XDH: variants seen among roughly 807,000 people sequenced by gnomAD.
The protein encoded by XDH is xanthine dehydrogenase.
XDH carries 138 observed loss-of-function variants against 156.1 expected under a neutral mutation model. The observed-to-expected ratio is 0.88, with a 90% confidence interval of 0.77 to 1.02. The LOEUF (loss-of-function observed/expected upper bound fraction) is 1.02, where lower values mean the gene tolerates loss of function less well. Ranked by LOEUF, XDH falls within the 50% of genes least tolerant of loss-of-function variation. The pLI, the probability that XDH is intolerant of heterozygous loss-of-function variation, is 0.00. For missense variants in XDH, 1,849 were observed against 1,684.9 expected (o/e 1.10, Z -1.71); for synonymous variants, 669 against 625.7 (o/e 1.07, Z -1.03).
rs773854118 is a variant in XDH at position 31,365,474 on chromosome 2, A to G, written c.2527T>C (p.Phe843Leu). 3.1e-6 allele frequency: 5 copies of G among 1,614,174 alleles called. No homozygotes were observed. The South Asian group carries it at 4.4e-5, about 14-fold the overall frequency. The change falls in exon 23 of 36, where the codon TTC becomes CTC. Residue 843 changes from phenylalanine (F) to leucine (L), a missense_variant. Physicochemically the swap from Phe to Leu is conservative, Grantham distance 22. Coordinates refer to ENST00000379416, the MANE Select transcript of XDH (RefSeq NM_000379.4). ...TCTAGAACCTTGTATCTGGCCAGGA[A>G]GGGATGTCTGCCACCAGTTATCAGC... ...DMLITGGRHP[F>L]LARYKVGFMK...
At chr2:31,366,718 G>T in intron 21 of XDH, 152 bp downstream of exon 21, 1 of 1,226,900 alleles carries the variant, frequency 8.2e-7, no homozygotes, top group Non-Finnish European at 1.2e-6. Context: ...CCAGCTTGTT[G>T]GTGAAAGAGT....
rs975603455 is a variant in XDH, at chr2:31,397,711, G to C, written c.452C>G (p.Thr151Arg). Residue 151 changes from threonine (T) to arginine (R), a missense_variant, in exon 6 of 36, where the codon ACA becomes AGA. Thr to Arg is a moderately conservative substitution (Grantham distance 71). Coordinates refer to ENST00000379416, the MANE Select transcript of XDH (RefSeq NM_000379.4). ...NAFQGNLCRC[T>R]GYRPILQGFR... Reference sequence around the variant, plus strand: ...GCCCTGGAGGATGGGTCTGTAGCCTGTGCAGCGGCACAGATTTCCTGTGGG... The same window carrying C: ...GCCCTGGAGGATGGGTCTGTAGCCTCTGCAGCGGCACAGATTTCCTGTGGG... The C allele has an allele frequency of 2.5e-6, 4 of 1,614,206 alleles. No individual in the cohort carries two copies. Among genetic ancestry groups the C allele is most frequent in the Non-Finnish European group, 1.7e-6 (2 of 1,180,036 alleles).
At chr2:31,394,310 T>G (rs2148000362) in intron 6 of XDH, among the ~76,000 whole-genome samples, 1 of 152,212 alleles carries the variant, frequency 6.6e-6, no homozygotes, top group South Asian at 2.1e-4. Flanking sequence ...TTAGGTGCTT[T>G]GGTTTTTTCT....
chr2:31,348,178 C>T lies in XDH; in HGVS notation c.3147+90G>A, dbSNP rs544314925. The stretch of plus-strand genomic sequence containing the variant: ...AACAGGGCCAGGGCCAGACCCCGGG[C>T]CTGCTTCTGCTCTGATAGGTCCCAC... On this transcript the variant is annotated intron_variant, in intron 28 of 35. Transcript: ENST00000379416. The T allele has an allele frequency of 2.9e-4, 389 of 1,340,654 alleles. 2 individuals carry two copies. In the African/African-American group the frequency reaches 5.1e-3, roughly 17 times the overall value. The allele number at this position is 1,340,654 out of a possible 1,614,324, so 83.0% of individuals were successfully genotyped here.
At chr2:31,386,898 A>G (rs1686614180) in intron 8 of XDH, among the ~76,000 whole-genome samples, 1 of 141,220 alleles carries the variant, frequency 7.1e-6, no homozygotes, top group East Asian at 2.3e-4. Flanking sequence ...TAATATCTCC[A>G]GGGGGCACCA....
rs1684925787 is a variant in XDH at position 31,334,531 on chromosome 2, C to T, written c.*1427G>A. 1 of 152,098 alleles carries T rather than the reference C, an allele frequency of 6.6e-6. No individual in the cohort carries two copies. The highest frequency in any genetic ancestry group is 1.5e-5 in the Non-Finnish European group (1 of 68,024). The allele number at this position is 152,098 out of a possible 1,614,324, so 9.4% of individuals were successfully genotyped here. On this transcript the variant is annotated 3_prime_UTR_variant, in exon 36 of 36. Transcript: ENST00000379416. ...GCAATAAAAGGGATGTTTGTTCTTC[C>T]CTTGTTCTCTTTACCAACCGCAGAA... is the stretch of plus-strand genomic sequence containing the variant.
At chr2:31,366,136 AC>A in intron 21 of XDH, 27 bp from the exon 22 acceptor site, 1 of 1,614,212 alleles carries the variant, frequency 6.2e-7, no homozygotes, top group Admixed American at 1.7e-5. Flanking sequence ...GAACATTCGC[AC>A]TGAATGCATT....
intron 1 of XDH, among the ~76,000 whole-genome samples, chr2:31,413,835 G>A (rs746269846): frequency 9.9e-5 from 15 of 152,248 alleles, no homozygotes; most frequent in Non-Finnish European, 1.5e-4. Flanking sequence ...TGTTGTAGGA[G>A]GGCAAATGGA....
At chr2:31,348,192 G>A (rs1405642829) in intron 28 of XDH, 76 bp downstream of exon 28, 4 of 1,470,988 alleles carry the variant, frequency 2.7e-6, no homozygotes, top group Admixed American at 1.8e-5. Context: ...CTTCTGCTCT[G>A]ATAGGTCCCA....
rs1572550906 is a variant in XDH, at chr2:31,383,125, AG to A, written c.913del (p.Leu305Ter). The A allele has an allele frequency of 6.2e-7, 1 of 1,614,188 alleles. No homozygotes were observed. On this transcript the variant is annotated frameshift_variant, in exon 11 of 36. Transcript: ENST00000379416. LOFTEE classifies it high-confidence loss of function. Reference protein sequence around the residue: ...DGISFGAACPLSIVEKTLVDA... With the variant: ...DGISFGAACPXSIVEKTLVDA... Reference sequence around the variant, plus strand: ...CACCAGGGTTTTTTCCACAATGCTCAGGGGGCAAGCAGCTCCAAAGGAGATA... The same window carrying A: ...CACCAGGGTTTTTTCCACAATGCTCAGGGGCAAGCAGCTCCAAAGGAGATA...
intron 23 of XDH, 124 bp downstream of exon 23, chr2:31,365,333 T>C (rs1348128201): frequency 2.0e-6 from 2 of 988,518 alleles, no homozygotes; most frequent in East Asian, 2.5e-5. Context: ...TCTTGCTATA[T>C]CTTATTTGAA....
intron 24 of XDH, among the ~76,000 whole-genome samples, chr2:31,355,663 A>T (rs531558107): frequency 6.6e-6 from 1 of 152,218 alleles, no homozygotes; most frequent in South Asian, 2.1e-4. Flanking sequence ...AATATTAAAA[A>T]AAATGTCCAA....
chr2:31,390,441 T>C (rs943402784), intron 6 of XDH, among the ~76,000 whole-genome samples: 1 of 152,374 alleles, frequency 6.6e-6, no homozygotes, highest in African/African-American at 2.4e-5. Context: ...CATCTAAGTT[T>C]TGGCAATTAT....
intron 9 of XDH, among the ~76,000 whole-genome samples, chr2:31,385,374 T>C (rs1686560459): frequency 6.6e-6 from 1 of 152,064 alleles, no homozygotes. Context: ...GGGGACTCTA[T>C]CTTATGTATA....
chr2:31,412,522 A>T (rs535563858), intron 1 of XDH, among the ~76,000 whole-genome samples: 2 of 152,228 alleles, frequency 1.3e-5, no homozygotes, highest in Admixed American at 1.3e-4. Context: ...TAGGAGATAT[A>T]CCTAATGTAA....
Position 31,365,496 on chromosome 2 carries a change from C to A in XDH, c.2505G>T (p.Leu835=). 4 of 1,614,188 alleles carry A rather than the reference C, an allele frequency of 2.5e-6. No individual in the cohort carries two copies. Among genetic ancestry groups the A allele is most frequent in the Non-Finnish European group, 3.4e-6 (4 of 1,180,026 alleles). The change falls in exon 23 of 36, where the codon CTG becomes CTT. Residue 835 remains leucine (L), a synonymous_variant. Transcript: ENST00000379416. ...GGAAGGGATGTCTGCCACCAGTTAT[C>A]AGCATGTCCTCATCACGGTCCAGCA... ...RCMLDRDEDM[L]ITGGRHPFLA... is the part of the protein sequence containing the mutation.
intron 1 of XDH, among the ~76,000 whole-genome samples, chr2:31,409,195 A>G (rs960991231): frequency 6.6e-6 from 1 of 152,242 alleles, no homozygotes; most frequent in Admixed American, 6.5e-5. Flanking sequence ...ACAAAAAAAT[A>G]GAAAGAATGA....
chr2:31,348,835 G>A lies in XDH; in HGVS notation c.3051+64C>T, dbSNP rs963253804. 17 of 1,470,360 alleles carry A rather than the reference G, an allele frequency of 1.2e-5. No individual in the cohort carries two copies. In the African/African-American group the frequency reaches 1.5e-4, roughly 13 times the overall value. The allele number at this position is 1,470,360 out of a possible 1,614,324, so 91.1% of individuals were successfully genotyped here. On this transcript the variant is annotated intron_variant, in intron 27 of 35. Transcript: ENST00000379416. Reference sequence around the variant, plus strand: ...ACAACGAAATTTCCCTTGCAATACTGTAAACAACAGGGAAATGGGGTCCCA... The same window carrying A: ...ACAACGAAATTTCCCTTGCAATACTATAAACAACAGGGAAATGGGGTCCCA...
At chr2:31,357,683 T>C (rs1202329408) in intron 24 of XDH, among the ~76,000 whole-genome samples, 1 of 151,972 alleles carries the variant, frequency 6.6e-6, no homozygotes, top group East Asian at 1.9e-4. Context: ...ATTTATCGTA[T>C]ATTTAAAAAT....
Sources: allele counts gnomAD v4.1 joint callset (sites outside exome capture counted in the v4.1 genomes callset), GRCh38; gene constraint gnomAD v4.1.1; transcripts MANE v1.5; gene names NCBI Gene and HGNC (gene_info 2026-07-23, HGNC 2026-07-21).